WWC1: variants seen among roughly 807,000 people sequenced by gnomAD.
WWC1 encodes protein KIBRA.
WWC1 carries 55 observed loss-of-function variants against 138.4 expected under a neutral mutation model. The ratio of observed to expected loss-of-function variants is 0.40; its 90% CI spans 0.32 to 0.50. The LOEUF is 0.50. Among genes scored for constraint, WWC1 ranks in the 20% least tolerant of loss-of-function variants. The pLI is 0.72. For missense variants in WWC1, 1,226 were observed against 1,420.4 expected (o/e 0.86, Z 2.20); for synonymous variants, 524 against 564.9 (o/e 0.93, Z 1.03).
intron 1 of WWC1, among the ~76,000 whole-genome samples, chr5:168,348,406 C>T (rs1443289512): frequency 6.6e-6 from 1 of 152,230 alleles, no homozygotes; most frequent in Non-Finnish European, 1.5e-5. Context: ...ACCCAGGCTC[C>T]TTTAATCCAC....
chr5:168,347,759 G>A (rs1774595912), intron 1 of WWC1, among the ~76,000 whole-genome samples: 1 of 151,876 alleles, frequency 6.6e-6, no homozygotes, highest in African/African-American at 2.4e-5. Flanking sequence ...GTCGAGCAAG[G>A]TCAGTCCAAA....
intron 1 of WWC1, among the ~76,000 whole-genome samples, chr5:168,337,938 G>A (rs1334685722): frequency 6.6e-6 from 1 of 152,186 alleles, no homozygotes; most frequent in East Asian, 1.9e-4. Flanking sequence ...GCGGGTGCTG[G>A]AGCAGAGTGA....
intron 21 of WWC1, among the ~76,000 whole-genome samples, chr5:168,465,990 C>A (rs1203622743): frequency 1.3e-5 from 2 of 152,058 alleles, no homozygotes; most frequent in Non-Finnish European, 2.9e-5. Context: ...GGAAGAGGGA[C>A]CATCTAGGTT....
chr5:168,399,741 G>A (rs1779172924), intron 5 of WWC1, among the ~76,000 whole-genome samples, 174 bp downstream of exon 5: 1 of 152,160 alleles, frequency 6.6e-6, no homozygotes, highest in African/African-American at 2.4e-5. Context: ...TGCCACCCAA[G>A]GGTGGGGTTT....
At chr5:168,464,702 C>T (rs758944268) in intron 20 of WWC1, 27 bp from the exon 21 acceptor site, 1 of 1,613,664 alleles carries the variant, frequency 6.2e-7, no homozygotes, top group Admixed American at 1.7e-5. Flanking sequence ...GCTCTAATAA[C>T]AAGAGAAGCC....
At chr5:168,459,259 A>AC (rs1400247199) in intron 19 of WWC1, among the ~76,000 whole-genome samples, 2 of 150,328 alleles carry the variant, frequency 1.3e-5, no homozygotes, top group Non-Finnish European at 3.0e-5. Flanking sequence ...TGTCTCAAAA[A>AC]AAAAAAAAAA....
At chr5:168,410,764 A>G (rs998272664) in intron 8 of WWC1, among the ~76,000 whole-genome samples, 2 of 151,988 alleles carry the variant, frequency 1.3e-5, no homozygotes, top group South Asian at 2.1e-4. Flanking sequence ...TTTAAAAGCA[A>G]TGCATCTTCT....
At chr5:168,403,924 TA>T (rs1334336334) in intron 5 of WWC1, among the ~76,000 whole-genome samples, 94 of 133,038 alleles carry the variant, frequency 7.1e-4, no homozygotes, top group Middle Eastern at 4.0e-3. Context: ...TTCTTTCCCT[TA>T]AAAAAAAAAA....
chr5:168,441,578 T>C, intron 15 of WWC1, 104 bp from the exon 16 acceptor site: 2 of 1,226,380 alleles, frequency 1.6e-6, no homozygotes, highest in Non-Finnish European at 2.3e-6. Context: ...CTACCTCTCA[T>C]CTGGAGTGGT....
chr5:168,385,583 A>G (rs572282283), intron 3 of WWC1, among the ~76,000 whole-genome samples, 169 bp downstream of exon 3: 24 of 152,280 alleles, frequency 1.6e-4, no homozygotes, highest in Non-Finnish European at 2.9e-4. Context: ...CCTTGCAGTG[A>G]TTCATTTGCC....
Position 168,445,673 on chromosome 5 carries a change from T to C in WWC1, c.2525+1088T>C, listed in dbSNP as rs1418381753. Among the ~76,000 whole-genome samples, 5 of 125,548 alleles carry C rather than the reference T, an allele frequency of 4.0e-5. No homozygotes were observed. The East Asian group carries it at 1.3e-3, about 31-fold the overall frequency. The allele number at this position is 125,548 out of a possible 152,430, so 82.4% of individuals were successfully genotyped here. ...ACCGAGATTGCGCCACTGCACTCCA[T>C]CCTAGGTGACAGAGTGAGACTCTGT... On this transcript the variant is annotated intron_variant, in intron 17 of 22. Transcript: ENST00000265293.
chr5:168,352,408 ATTG>A (rs1163745595), intron 1 of WWC1, among the ~76,000 whole-genome samples: 2 of 151,940 alleles, frequency 1.3e-5, no homozygotes, highest in Admixed American at 6.6e-5. Context: ...AAGTATTGAT[ATTG>A]TTGTTCCTGT....
chr5:168,464,784 T>A lies in WWC1; in HGVS notation c.2972T>A (p.Leu991Gln). ...SERLIRTSLD[L>Q]ELDLQATRTW... ...CGTCTGATCCGTACCTCGCTGGACC[T>A]GGAGTTAGACCTGCAGGCGACAAGA... is the stretch of plus-strand genomic sequence containing the variant. Residue 991 changes from leucine to glutamine, a missense_variant, in exon 21 of 23, where the codon CTG becomes CAG. Coordinates refer to ENST00000265293, the MANE Select transcript of WWC1 (RefSeq NM_015238.3). 1 of 1,614,080 alleles carries A rather than the reference T, an allele frequency of 6.2e-7. No individual in the cohort carries two copies. Among genetic ancestry groups the A allele is most frequent in the Non-Finnish European group, 8.5e-7 (1 of 1,180,026 alleles).
At chr5:168,334,436 T>TA (rs1773292412) in intron 1 of WWC1, among the ~76,000 whole-genome samples, 1 of 152,076 alleles carries the variant, frequency 6.6e-6, no homozygotes, top group African/African-American at 2.4e-5. Flanking sequence ...TAACCGGAGT[T>TA]ATCTTTCCTG....
At chr5:168,391,398 C>T (rs932850009) in intron 3 of WWC1, among the ~76,000 whole-genome samples, 16 of 152,094 alleles carry the variant, frequency 1.1e-4, no homozygotes, top group Admixed American at 2.0e-4. Context: ...CGGTGGCTCA[C>T]GCCTGTAATC....
chr5:168,322,376 T>A (rs1461103146), intron 1 of WWC1, among the ~76,000 whole-genome samples: 1 of 152,146 alleles, frequency 6.6e-6, no homozygotes, highest in Non-Finnish European at 1.5e-5. Flanking sequence ...CTGTCTTAAC[T>A]ACTCTGTGGA....
At chr5:168,397,408 G>A (rs1778982973) in intron 3 of WWC1, among the ~76,000 whole-genome samples, 1 of 152,254 alleles carries the variant, frequency 6.6e-6, no homozygotes, top group African/African-American at 2.4e-5. Context: ...CTCCCAAAGG[G>A]CTGGGATTAT....
Position 168,336,583 on chromosome 5 carries a change from A to AAC in WWC1, c.120-34840_120-34839insCA, listed in dbSNP as rs1418309080. 3.6e-4 allele frequency among the ~76,000 whole-genome samples: 54 copies of AAC among 150,236 alleles called. 1 individual carries two copies. The East Asian group carries it at 8.6e-3, about 24-fold the overall frequency. ...CCAGACTCTGTCTCAAAAAAAAAAAAAAAAAAAAAAAACAATACCTTGTGA... is the reference window on the plus strand; with the variant it reads ...CCAGACTCTGTCTCAAAAAAAAAAAAACAAAAAAAAAAAACAATACCTTGTGA... On this transcript the variant is annotated intron_variant, in intron 1 of 22. Transcript: ENST00000265293.
intron 9 of WWC1, chr5:168,415,362 T>A (rs138381399): frequency 7.9e-5 from 12 of 151,982 alleles, no homozygotes; most frequent in African/African-American, 2.7e-4. Context: ...TTTAAAAAAA[T>A]ATGCAAATCA....
Sources: gnomAD v4.1 joint callset for allele counts (sites outside exome capture counted in the v4.1 genomes callset) on GRCh38, gnomAD v4.1.1 for gene constraint, MANE v1.5 for transcripts, NCBI Gene and HGNC (gene_info 2026-07-23, HGNC 2026-07-21) for gene names.